The following SCUBE1 variants were observed in gnomAD, a reference collection of about 807,000 sequenced individuals.
SCUBE1 encodes signal peptide, CUB and EGF-like domain-containing protein 1.
SCUBE1 carries 59 observed loss-of-function variants against 124.4 expected under a neutral mutation model. That is an observed-to-expected ratio of 0.47 (90% CI 0.38 to 0.59). The LOEUF (loss-of-function observed/expected upper bound fraction) is 0.59. SCUBE1 is among the 20% of genes least tolerant of loss of function. The probability of loss-of-function intolerance (pLI) is 0.00; values close to 1 mark genes in which losing one functional copy is unlikely to be tolerated. For synonymous variants in SCUBE1, 545 were observed against 550.9 expected (o/e 0.99, Z 0.15); for missense variants, 1,150 against 1,371.2 (o/e 0.84, Z 2.55).
At chr22:43,227,306 A>G in intron 10 of SCUBE1, 68 bp downstream of exon 10, 2 of 1,539,238 alleles carry the variant, frequency 1.3e-6, no homozygotes, top group African/African-American at 1.4e-5. Context: ...CACCTCAGAA[A>G]AGCCACTGTC....
chr22:43,310,504 G>A (rs1926132820), intron 3 of SCUBE1, among the ~76,000 whole-genome samples: 1 of 152,180 alleles, frequency 6.6e-6, no homozygotes, highest in Non-Finnish European at 1.5e-5. Context: ...ACCACCAGCT[G>A]TGAGCAAAGA....
chr22:43,281,488 G>GGCCACCCTCCTGTCACCTCCCTTCTCA (rs1924869498), intron 4 of SCUBE1, among the ~76,000 whole-genome samples: 1 of 72,542 alleles, frequency 1.4e-5, no homozygotes, highest in Non-Finnish European at 2.2e-5. Context: ...CTCCCTCTTT[G>GGCCACCCTCCTGTCACCTCCCTTCTCA]GCCACCCTCC....
In SCUBE1 at chr22:43,339,245, G is replaced by T; in HGVS notation, c.89-10C>A. ...TCCACGTCGACTGACCCTGTGGGTAGGGGTGTGGGGGGAATAAGAGGTAAG... is the reference window on the plus strand; with the variant it reads ...TCCACGTCGACTGACCCTGTGGGTATGGGTGTGGGGGGAATAAGAGGTAAG... On this transcript the variant is annotated splice_polypyrimidine_tract_variant and intron_variant, in intron 1 of 21. Coordinates refer to ENST00000360835, the MANE Select transcript of SCUBE1 (RefSeq NM_173050.5). 1 of 1,612,228 alleles carries T rather than the reference G, an allele frequency of 6.2e-7. No homozygotes were observed. The highest frequency in any genetic ancestry group is 8.5e-7 in the Non-Finnish European group (1 of 1,178,782).
In SCUBE1 at chr22:43,234,546, G is replaced by A. The variant is rs377127374; in HGVS notation, c.845-2671C>T. ...AGGGAGGCATGTCTGCCTGAGGCCC[G>A]GGCTGGTGTAGCTGGCTGCCTGGGG... On this transcript the variant is annotated intron_variant, in intron 7 of 21. Coordinates refer to ENST00000360835, the MANE Select transcript of SCUBE1 (RefSeq NM_173050.5). The surrounding 1 kb of genome is among the most constrained non-coding windows in gnomAD (Gnocchi z 4.4). Among the ~76,000 whole-genome samples, 40 of 152,198 alleles carry A rather than the reference G, an allele frequency of 2.6e-4. No homozygotes were observed. Among genetic ancestry groups the A allele is most frequent in the Non-Finnish European group, 4.3e-4 (29 of 68,026 alleles).
chr22:43,209,776 G>A (rs1445721745), intron 19 of SCUBE1, among the ~76,000 whole-genome samples: 1 of 152,252 alleles, frequency 6.6e-6, no homozygotes, highest in East Asian at 1.9e-4. Context: ...GGCCGGAGTT[G>A]AGACCAGGCC....
At position 43,202,328 on chromosome 22, in the gene SCUBE1, G is replaced by C. The variant is rs553865160; in HGVS notation, c.*1669C>G. On this transcript the variant is annotated 3_prime_UTR_variant, in exon 22 of 22. Transcript: ENST00000360835. ...GTTTCTCGCCAGCCAGGCTGGGCCC[G>C]GGGGTGACCAGGAGGAACCCTAGAG... The C allele has an allele frequency of 2.0e-5, 3 of 152,220 alleles. No individual in the cohort carries two copies. Among genetic ancestry groups the C allele is most frequent in the African/African-American group, 4.8e-5 (2 of 41,516 alleles). The allele number at this position is 152,220 out of a possible 1,614,324, so 9.4% of individuals were successfully genotyped here. A position where few individuals can be genotyped will look rare whatever the true frequency, so the allele number is the denominator to read the frequency against.
rs749351528 is a variant in SCUBE1 at position 43,219,760 on chromosome 22, C to T, written c.1687+690G>A. 3.9e-5 allele frequency among the ~76,000 whole-genome samples: 6 copies of T among 152,234 alleles called. 2 individuals carry two copies. The highest frequency in any genetic ancestry group is 3.9e-4 in the Admixed American group (6 of 15,294). ...AGACTGCTGGGATTACAGGCGTGAG[C>T]CAGTGTGCCCAGCCAGACTAAGACA... On this transcript the variant is annotated intron_variant, in intron 14 of 21. Transcript: ENST00000360835.
chr22:43,217,359 C>T (rs1014841189), intron 15 of SCUBE1, among the ~76,000 whole-genome samples: 1 of 151,606 alleles, frequency 6.6e-6, no homozygotes, highest in Admixed American at 6.6e-5. Context: ...TTCCCTCCCC[C>T]CAGCCCACTC....
intron 6 of SCUBE1, among the ~76,000 whole-genome samples, chr22:43,257,795 A>G (rs1272845990): frequency 1.3e-5 from 2 of 152,216 alleles, no homozygotes; most frequent in African/African-American, 4.8e-5. Flanking sequence ...GGCTGTGTGC[A>G]GTTGCCTGAA....
At chr22:43,233,316 A>C (rs745489304) in intron 7 of SCUBE1, 1 of 152,288 alleles carries the variant, frequency 6.6e-6, no homozygotes, top group Non-Finnish European at 1.5e-5. Context: ...GTGAGCCAAG[A>C]TTGTGCCATT....
At position 43,255,322 on chromosome 22, in the gene SCUBE1, C is replaced by T. The variant is rs1265156588; in HGVS notation, c.727+2897G>A. 1.3e-5 allele frequency among the ~76,000 whole-genome samples: 2 copies of T among 152,152 alleles called. No homozygotes were observed. The highest frequency in any genetic ancestry group is 2.4e-5 in the African/African-American group (1 of 41,416). On this transcript the variant is annotated intron_variant, in intron 6 of 21. Transcript: ENST00000360835. The surrounding 1 kb of genome is among the most constrained non-coding windows in gnomAD (Gnocchi z 4.7). ...CACACGACACGCAGGACTGCACACA[C>T]GTGGGCACACCCCACAACACAGACA...
chr22:43,317,591 C>G (rs1601886395), intron 3 of SCUBE1, among the ~76,000 whole-genome samples: 1 of 152,176 alleles, frequency 6.6e-6, no homozygotes, highest in East Asian at 1.9e-4. Context: ...TGCCCATATC[C>G]CCTGGGCTCC....
intron 3 of SCUBE1, among the ~76,000 whole-genome samples, chr22:43,291,548 T>A (rs2146752307): frequency 6.6e-6 from 1 of 152,092 alleles, no homozygotes; most frequent in Admixed American, 6.5e-5. Context: ...CAGGCTGTGC[T>A]ACAGTGGCAC....
chr22:43,229,680 T>C (rs1159780466), intron 8 of SCUBE1, among the ~76,000 whole-genome samples: 1 of 151,750 alleles, frequency 6.6e-6, no homozygotes, highest in Non-Finnish European at 1.5e-5. Context: ...ACCACACAGG[T>C]AAAAAGAGAA....
At chr22:43,321,423 C>G (rs932371513) in intron 2 of SCUBE1, among the ~76,000 whole-genome samples, 22 of 152,212 alleles carry the variant, frequency 1.4e-4, no homozygotes, top group African/African-American at 5.1e-4. Context: ...GAGTGCCGGT[C>G]TGCAAGGTAG....
chr22:43,319,898 G>T, intron 3 of SCUBE1, 39 bp downstream of exon 3: 1 of 1,608,130 alleles, frequency 6.2e-7, no homozygotes, highest in South Asian at 1.1e-5. Flanking sequence ...GCAACAGGCA[G>T]GGTGTGCCCA....
chr22:43,275,050 T>C (rs904499575), intron 4 of SCUBE1, among the ~76,000 whole-genome samples: 9 of 152,220 alleles, frequency 5.9e-5, no homozygotes, highest in African/African-American at 2.2e-4. Context: ...CGATCTGTGA[T>C]GTGCCCTGGG....
chr22:43,282,766 G>C (rs1924974107), intron 4 of SCUBE1: 1 of 151,664 alleles, frequency 6.6e-6, no homozygotes. Flanking sequence ...CGCGATCTCA[G>C]CTCACTGCAA....
chr22:43,250,632 C>G (rs1222925601), intron 6 of SCUBE1, among the ~76,000 whole-genome samples: 1 of 152,188 alleles, frequency 6.6e-6, no homozygotes, highest in African/African-American at 2.4e-5. Flanking sequence ...CTTTCTGTGC[C>G]CCCATGTCGT....
Sources: allele counts gnomAD v4.1 joint callset (sites outside exome capture counted in the v4.1 genomes callset), GRCh38; gene constraint gnomAD v4.1.1; non-coding constraint Gnocchi (gnomAD v3.1); transcripts MANE v1.5; gene names NCBI Gene and HGNC (gene_info 2026-07-23, HGNC 2026-07-21).